SMYD2: variants seen among roughly 807,000 people sequenced by gnomAD.
The protein encoded by SMYD2 is N-lysine methyltransferase SMYD2.
In SMYD2, 53 loss-of-function variants were observed where a neutral mutation model predicts 59.1. The ratio of observed to expected loss-of-function variants is 0.90; its 90% CI spans 0.72 to 1.13. The LOEUF is 1.13. Ranked by LOEUF, SMYD2 falls within the 50% of genes most tolerant of loss-of-function variation. The pLI is 0.00. For missense variants in SMYD2, 494 were observed against 544.7 expected (o/e 0.91, Z 0.93); for synonymous variants, 208 against 198.8 (o/e 1.05, Z -0.39).
chr1:214,319,901 A>G (rs1237485063), intron 5 of SMYD2, among the ~76,000 whole-genome samples: 1 of 152,228 alleles, frequency 6.6e-6, no homozygotes, highest in African/African-American at 2.4e-5. Flanking sequence ...TTTGTCTTAG[A>G]ATAGAATAAG....
chr1:214,305,137 C>G, intron 1 of SMYD2, 50 bp from the exon 2 acceptor site: 2 of 1,556,268 alleles, frequency 1.3e-6, no homozygotes, highest in Non-Finnish European at 1.8e-6. Flanking sequence ...AAATGTACAG[C>G]TTCACGTTTC....
chr1:214,308,306 GT>G (rs1416329052), intron 2 of SMYD2, among the ~76,000 whole-genome samples: 2 of 152,176 alleles, frequency 1.3e-5, no homozygotes, highest in African/African-American at 4.8e-5. Flanking sequence ...GACCATTAAG[GT>G]TTTTCATCCT....
intron 1 of SMYD2, among the ~76,000 whole-genome samples, chr1:214,303,897 A>G (rs1381523890): frequency 6.6e-6 from 1 of 152,248 alleles, no homozygotes; most frequent in Non-Finnish European, 1.5e-5. Flanking sequence ...CGGTATCTCC[A>G]CAAGTCCAGA....
At chr1:214,317,624 A>G (rs1657107101) in intron 3 of SMYD2, among the ~76,000 whole-genome samples, 1 of 152,262 alleles carries the variant, frequency 6.6e-6, no homozygotes, top group African/African-American at 2.4e-5. Flanking sequence ...GCTCACAGAT[A>G]CAACCAAAAG....
chr1:214,294,435 A>G (rs1656691134), intron 1 of SMYD2, among the ~76,000 whole-genome samples: 1 of 152,250 alleles, frequency 6.6e-6, no homozygotes, highest in Admixed American at 6.5e-5. Context: ...TGGGAGGCCA[A>G]GACGGGCGGA....
chr1:214,285,813 T>C lies in SMYD2; in HGVS notation c.173+4386T>C, dbSNP rs115790653. Among the ~76,000 whole-genome samples the C allele has an allele frequency of 6.2e-3, 945 of 152,174 alleles. 2 individuals are homozygous for C. Among genetic ancestry groups the C allele is most frequent in the Non-Finnish European group, 9.8e-3 (667 of 68,008 alleles). On this transcript the variant is annotated intron_variant, in intron 1 of 11. Coordinates refer to ENST00000366957, the MANE Select transcript of SMYD2 (RefSeq NM_020197.3). The stretch of plus-strand genomic sequence containing the variant: ...ACTTACACAAAGCTACGTGAGAGAG[T>C]CTACTACTCACCTAGGCTGTATGGT...
chr1:214,325,109 GCTT>G lies in SMYD2; in HGVS notation c.602+407_602+409del, dbSNP rs367958180. On this transcript the variant is annotated intron_variant, in intron 6 of 11. Transcript: ENST00000366957. The stretch of plus-strand genomic sequence containing the variant: ...ACAAGCTTGAGTACAGACTATATGA[GCTT>G]CTTCTCCATCTGTCCTTTTTGATAA... 3.0e-4 allele frequency among the ~76,000 whole-genome samples: 46 copies of G among 152,300 alleles called. No homozygotes were observed. The Middle Eastern group carries it at 0.014, about 45-fold the overall frequency.
chr1:214,314,620 C>A, intron 2 of SMYD2, 142 bp from the exon 3 acceptor site: 2 of 633,972 alleles, frequency 3.2e-6, no homozygotes, highest in Non-Finnish European at 2.8e-6. Context: ...TTATCTCTAG[C>A]TTTTGTGAGC....
intron 1 of SMYD2, among the ~76,000 whole-genome samples, chr1:214,303,926 G>A (rs1334210067): frequency 7.2e-5 from 11 of 152,230 alleles, no homozygotes; most frequent in Non-Finnish European, 1.5e-4. Flanking sequence ...TCACCGGGGT[G>A]GGCAAGAGTT....
chr1:214,322,314 T>C (rs967987983), intron 5 of SMYD2, among the ~76,000 whole-genome samples: 1 of 152,228 alleles, frequency 6.6e-6, no homozygotes, highest in Non-Finnish European at 1.5e-5. Context: ...ATGAAAACTT[T>C]AATTTACTCT....
rs550380825 is a variant in SMYD2 at position 214,300,069 on chromosome 1, A to G, written c.174-5118A>G. On this transcript the variant is annotated intron_variant, in intron 1 of 11. Coordinates refer to ENST00000366957, the MANE Select transcript of SMYD2 (RefSeq NM_020197.3). ...CTACCTGGGTGATGGTATCATTTAT[A>G]TTCCAAACCTTAGCATCATGCAAAA... is the stretch of plus-strand genomic sequence containing the variant. 4.6e-5 allele frequency among the ~76,000 whole-genome samples: 7 copies of G among 152,372 alleles called. No individual in the cohort carries two copies. In the East Asian group the frequency reaches 1.3e-3, roughly 29 times the overall value.
intron 5 of SMYD2, among the ~76,000 whole-genome samples, chr1:214,321,483 G>A (rs1281816730): frequency 2.6e-5 from 4 of 152,210 alleles, no homozygotes; most frequent in African/African-American, 9.6e-5. Flanking sequence ...GAAATGCAAA[G>A]TGCTGCTGCA....
intron 5 of SMYD2, among the ~76,000 whole-genome samples, chr1:214,319,680 C>T (rs1197436723): frequency 6.6e-6 from 1 of 151,816 alleles, no homozygotes; most frequent in Non-Finnish European, 1.5e-5. Flanking sequence ...GAACACACAA[C>T]CTTCCTGTTA....
intron 5 of SMYD2, 108 bp from the exon 6 acceptor site, chr1:214,324,533 A>G: frequency 1.0e-6 from 1 of 992,596 alleles, no homozygotes; most frequent in African/African-American, 1.6e-5. Context: ...AAACCACTAC[A>G]CCAAAACATC....
chr1:214,283,013 C>T (rs1189146928), intron 1 of SMYD2, among the ~76,000 whole-genome samples: 1 of 152,156 alleles, frequency 6.6e-6, no homozygotes, highest in African/African-American at 2.4e-5. Flanking sequence ...TCCTGGAAGC[C>T]ATCGCCTAAG....
Position 214,303,839 on chromosome 1 carries a change from C to T in SMYD2, c.174-1348C>T, listed in dbSNP as rs577171442. Among the ~76,000 whole-genome samples the T allele has an allele frequency of 2.0e-5, 3 of 152,328 alleles. No homozygotes were observed. In the East Asian group the frequency reaches 5.8e-4, roughly 29 times the overall value. On this transcript the variant is annotated intron_variant, in intron 1 of 11. Transcript: ENST00000366957. Reference sequence around the variant, plus strand: ...CTGCTGGGCTGCAGAGGAGGGGGGACGAGGTGGCACAGGGTGGCTCTGCGG... The same window carrying T: ...CTGCTGGGCTGCAGAGGAGGGGGGATGAGGTGGCACAGGGTGGCTCTGCGG...
intron 1 of SMYD2, among the ~76,000 whole-genome samples, chr1:214,283,879 G>A (rs1289758593): frequency 1.3e-5 from 2 of 152,128 alleles, no homozygotes; most frequent in African/African-American, 4.8e-5. Flanking sequence ...CATACTAATT[G>A]TATCAGGATC....
chr1:214,321,251 T>C (rs1185124125), intron 5 of SMYD2, among the ~76,000 whole-genome samples: 1 of 152,102 alleles, frequency 6.6e-6, no homozygotes, highest in Non-Finnish European at 1.5e-5. Context: ...AAAATGTATA[T>C]ATATATACAC....
chr1:214,319,078 A>C, intron 5 of SMYD2, 95 bp downstream of exon 5: 1 of 1,452,754 alleles, frequency 6.9e-7, no homozygotes, highest in Non-Finnish European at 9.4e-7. Context: ...ATGCAAATAG[A>C]ATGATGGCAT....
Sources: allele counts gnomAD v4.1 joint callset (sites outside exome capture counted in the v4.1 genomes callset), GRCh38; gene constraint gnomAD v4.1.1; transcripts MANE v1.5; gene names NCBI Gene and HGNC (gene_info 2026-07-23, HGNC 2026-07-21).